The following ZNF337 variants were observed in gnomAD, a reference collection of about 807,000 sequenced individuals.
ZNF337 encodes the protein zinc finger protein 337.
Under a neutral mutation model 12.1 loss-of-function variants are expected in ZNF337, and 8 were observed. The ratio of observed to expected loss-of-function variants is 0.66; its 90% CI spans 0.39 to 1.19. The LOEUF (loss-of-function observed/expected upper bound fraction) is 1.19. Ranked by LOEUF, ZNF337 falls within the 50% of genes most tolerant of loss-of-function variation. The probability of loss-of-function intolerance (pLI) is 0.01; values close to 1 mark genes in which losing one functional copy is unlikely to be tolerated. For synonymous variants in ZNF337, 336 were observed against 320.0 expected, an observed-to-expected ratio of 1.05 and a Z score of -0.53; for missense variants, 882 against 896.6, an observed-to-expected ratio of 0.98 and a Z score of 0.21.
intron 1 of ZNF337, among the ~76,000 whole-genome samples, chr20:25,693,230 C>T (rs1221719079): frequency 6.6e-6 from 1 of 152,182 alleles, no homozygotes; most frequent in Non-Finnish European, 1.5e-5. Context: ...GCGTGAGCCA[C>T]CATGCCTGGC....
At chr20:25,689,298 C>A (rs555224268) in intron 1 of ZNF337, among the ~76,000 whole-genome samples, 1 of 151,534 alleles carries the variant, frequency 6.6e-6, no homozygotes, top group African/African-American at 2.4e-5. Context: ...AGCAAGACTC[C>A]GCATCAAGAA....
intron 4 of ZNF337, among the ~76,000 whole-genome samples, chr20:25,681,525 C>T (rs546393376): frequency 1.3e-5 from 2 of 152,260 alleles, no homozygotes; most frequent in Non-Finnish European, 2.9e-5. Context: ...AAAAATCAAC[C>T]TGCTAATTTT....
At chr20:25,691,520 A>T (rs1268159159) in intron 1 of ZNF337, among the ~76,000 whole-genome samples, 1 of 152,184 alleles carries the variant, frequency 6.6e-6, no homozygotes, top group African/African-American at 2.4e-5. Context: ...CTTCAGGAAC[A>T]CAGGACTGGC....
intron 4 of ZNF337, among the ~76,000 whole-genome samples, chr20:25,680,053 G>T (rs937971074): frequency 6.6e-6 from 1 of 152,034 alleles, no homozygotes; most frequent in Admixed American, 6.6e-5. Flanking sequence ...AGTATCATTA[G>T]TTCATTATGT....
rs1430595239 is a variant in ZNF337, at chr20:25,675,691, T to C, written c.1597A>G (p.Ile533Val). 1 of 1,613,566 alleles carries C rather than the reference T, an allele frequency of 6.2e-7. No individual in the cohort carries two copies. The highest frequency in any genetic ancestry group is 8.5e-7 in the Non-Finnish European group (1 of 1,179,840). Residue 533 changes from isoleucine to valine, a missense_variant, in exon 5 of 5, where the codon ATA becomes GTA. By Grantham distance (29) the Ile-to-Val change is conservative. Transcript: ENST00000252979. Reference sequence around the variant, plus strand: ...TCTCCTGAGTGTGTCCTCTGATGTATGGTGAGATTTGGCTTCAAGGTAAAG... The same window carrying C: ...TCTCCTGAGTGTGTCCTCTGATGTACGGTGAGATTTGGCTTCAAGGTAAAG... Reference protein sequence around the residue: ...RGFTLKPNLTIHQRTHSGEKP... With the variant: ...RGFTLKPNLTVHQRTHSGEKP...
At chr20:25,684,369 TAA>T (rs1481586176) in intron 4 of ZNF337, among the ~76,000 whole-genome samples, 2 of 150,774 alleles carry the variant, frequency 1.3e-5, no homozygotes, top group Admixed American at 1.3e-4. Context: ...TACAAATAAA[TAA>T]AAAATATTAA....
rs368168820 is a variant in ZNF337 at position 25,685,712 on chromosome 20, C to T, written c.155-50G>A. ...AGGTGACTCCTGGTTGTAGGCTCCACGGGCCATTTGCTGGAGCCACCCAGG... is the reference window on the plus strand; with the variant it reads ...AGGTGACTCCTGGTTGTAGGCTCCATGGGCCATTTGCTGGAGCCACCCAGG... On this transcript the variant is annotated intron_variant, in intron 3 of 4. Coordinates refer to ENST00000252979, the MANE Select transcript of ZNF337 (RefSeq NM_015655.4). 40 of 1,533,722 alleles carry T rather than the reference C, an allele frequency of 2.6e-5. No homozygotes were observed. The East Asian group carries it at 5.2e-4, about 20-fold the overall frequency.
At chr20:25,695,527 C>A (rs1195660476) in intron 1 of ZNF337, among the ~76,000 whole-genome samples, 1 of 152,230 alleles carries the variant, frequency 6.6e-6, no homozygotes, top group East Asian at 1.9e-4. Flanking sequence ...TGGGAGGAAC[C>A]CGTGTATATC....
At chr20:25,678,769 GA>G (rs1188842957) in intron 4 of ZNF337, among the ~76,000 whole-genome samples, 1 of 151,920 alleles carries the variant, frequency 6.6e-6, no homozygotes, top group East Asian at 1.9e-4. Context: ...AACACGATGA[GA>G]CCCCATCATT....
Position 25,676,341 on chromosome 20 carries a change from CCT to C in ZNF337, c.945_946del (p.Lys318AlafsTer13). 6.2e-7 allele frequency: 1 copy of C among 1,614,140 alleles called. No homozygotes were observed. On this transcript the variant is annotated frameshift_variant, in exon 5 of 5. Transcript: ENST00000252979. LOFTEE classifies it low-confidence loss of function (END_TRUNC). ...CTCCTTGCACACAAAAGGCTTCTCCCCTGAATGCGCCTTCAAGTGCTTGTTGT... is the reference window on the plus strand; with the variant it reads ...CTCCTTGCACACAAAAGGCTTCTCCCGAATGCGCCTTCAAGTGCTTGTTGT...
chr20:25,686,217 C>A, intron 2 of ZNF337, 95 bp from the exon 3 acceptor site: 2 of 1,580,312 alleles, frequency 1.3e-6, no homozygotes, highest in Non-Finnish European at 1.7e-6. Flanking sequence ...CAGATCACTA[C>A]TTGATGAGTG....
Position 25,675,362 on chromosome 20 carries a change from A to T in ZNF337, c.1926T>A (p.Asn642Lys), listed in dbSNP as rs1319551103. ...AGTGTGTCCTCTGGTGTGTGAGGAG[A>T]TTTCCCTTCCAGTTGAAGCCTCGCC... is the stretch of plus-strand genomic sequence containing the variant. ...ECGRGFNWKG[N>K]LLTHQRTHSG... Residue 642 changes from asparagine to lysine, a missense_variant, in exon 5 of 5, where the codon AAT becomes AAA. Transcript: ENST00000252979. The T allele has an allele frequency of 1.2e-6, 2 of 1,613,006 alleles. No individual in the cohort carries two copies. Among genetic ancestry groups the T allele is most frequent in the Non-Finnish European group, 1.7e-6 (2 of 1,179,556 alleles).
chr20:25,675,655 T>C lies in ZNF337; in HGVS notation c.1633A>G (p.Met545Val). The C allele has an allele frequency of 6.2e-7, 1 of 1,613,014 alleles. No individual in the cohort carries two copies. Among genetic ancestry groups the C allele is most frequent in the Non-Finnish European group, 8.5e-7 (1 of 1,179,676 alleles). The change falls in exon 5 of 5, where the codon ATG becomes GTG. Residue 545 changes from methionine (M) to valine (V), a missense_variant. Met to Val is a conservative substitution (Grantham distance 21). Coordinates refer to ENST00000252979, the MANE Select transcript of ZNF337 (RefSeq NM_015655.4). ...AAACTTTTCTCACACTGCTTGCACA[T>C]GAAGGGCTTCTCTCCTGAGTGTGTC... ...QRTHSGEKPF[M>V]CKQCEKSFSL...
At chr20:25,682,702 G>A (rs1319481459) in intron 4 of ZNF337, among the ~76,000 whole-genome samples, 2 of 152,084 alleles carry the variant, frequency 1.3e-5, no homozygotes, top group Non-Finnish European at 2.9e-5. Context: ...AGGCATGGTG[G>A]TGAGGACATG....
chr20:25,691,838 A>ATG (rs1569016922), intron 1 of ZNF337, among the ~76,000 whole-genome samples: 1 of 152,204 alleles, frequency 6.6e-6, no homozygotes, highest in Non-Finnish European at 1.5e-5. Context: ...CTAAATTACC[A>ATG]GTTATGGTGT....
rs200228007 is a variant in ZNF337, at chr20:25,675,297, C to G, written c.1991G>C (p.Gly664Ala). ...KPFVCNVCGQ[G>A]FSWKRSLTRH... ...GGTGAGACTTCTCTTCCAGCTGAAG[C>G]CTTGCCCACACACATTACACACGAA... The change falls in exon 5 of 5, where the codon GGC becomes GCC. Residue 664 changes from glycine to alanine, a missense_variant. Physicochemically the swap from Gly to Ala is moderately conservative, Grantham distance 60 (BLOSUM62 0). Coordinates refer to ENST00000252979, the MANE Select transcript of ZNF337 (RefSeq NM_015655.4). 1.2e-6 allele frequency: 2 copies of G among 1,614,052 alleles called. No homozygotes were observed. The highest frequency in any genetic ancestry group is 1.7e-6 in the Non-Finnish European group (2 of 1,180,044).
At chr20:25,687,592 GAAAAT>G (rs1227000752) in intron 1 of ZNF337, among the ~76,000 whole-genome samples, 1 of 152,136 alleles carries the variant, frequency 6.6e-6, no homozygotes, top group African/African-American at 2.4e-5. Context: ...GTTATGAAAA[GAAAAT>G]AAAACTAGGG....
chr20:25,690,908 T>A (rs577654628), intron 1 of ZNF337, among the ~76,000 whole-genome samples: 6 of 152,148 alleles, frequency 3.9e-5, no homozygotes, highest in Non-Finnish European at 8.8e-5. Context: ...GAGGTTGTTT[T>A]TTCCACAATG....
rs2065641856 is a variant in ZNF337, at chr20:25,673,733, C to T, written c.*1299G>A. On this transcript the variant is annotated 3_prime_UTR_variant, in exon 5 of 5. Coordinates refer to ENST00000252979, the MANE Select transcript of ZNF337 (RefSeq NM_015655.4). ...GCCTTGTAAGCACTCACCAGGGAGT[C>T]CTGGTTTACTTAACCATTAACTGTT... 2.6e-5 allele frequency: 4 copies of T among 152,282 alleles called. No individual in the cohort carries two copies. Among genetic ancestry groups the T allele is most frequent in the Non-Finnish European group, 4.4e-5 (3 of 68,020 alleles). 9.4% of individuals were successfully genotyped at this position (152,282 alleles called of 1,614,324 possible).
Sources: gnomAD v4.1 joint callset for allele counts (sites outside exome capture counted in the v4.1 genomes callset) on GRCh38, gnomAD v4.1.1 for gene constraint, MANE v1.5 for transcripts, NCBI Gene and HGNC (gene_info 2026-07-23, HGNC 2026-07-21) for gene names.